CARS2: variants seen among roughly 807,000 people sequenced by gnomAD.
CARS2 encodes the protein probable cysteine--tRNA ligase, mitochondrial.
CARS2 carries 52 observed loss-of-function variants against 68.8 expected under a neutral mutation model. The ratio of observed to expected loss-of-function variants is 0.76; its 90% CI spans 0.61 to 0.95. The LOEUF is 0.95. CARS2 is among the 40% of genes least tolerant of loss of function. The pLI is 0.00. For synonymous variants in CARS2, 314 were observed against 303.6 expected (o/e 1.03, Z -0.36); for missense variants, 780 against 754.2 (o/e 1.03, Z -0.40).
chr13:110,671,821 T>G (rs1349958602), intron 7 of CARS2, among the ~76,000 whole-genome samples: 1 of 151,948 alleles, frequency 6.6e-6, no homozygotes, highest in Non-Finnish European at 1.5e-5. Flanking sequence ...AGGAGACCCA[T>G]CTCACGTGCA....
intron 9 of CARS2, among the ~76,000 whole-genome samples, chr13:110,655,059 C>T (rs2062330890): frequency 6.6e-6 from 1 of 152,022 alleles, no homozygotes; most frequent in Admixed American, 6.6e-5. Context: ...ATGTAAATCA[C>T]ACTCGTTGAT....
intron 2 of CARS2, 87 bp from the exon 3 acceptor site, chr13:110,701,642 C>T (rs2063790769): frequency 1.3e-6 from 1 of 747,620 alleles, no homozygotes; most frequent in South Asian, 1.5e-5. Flanking sequence ...TAACATGCTG[C>T]TCCATAACTT....
intron 9 of CARS2, among the ~76,000 whole-genome samples, chr13:110,658,456 T>C (rs1044696005): frequency 1.1e-4 from 16 of 152,314 alleles, no homozygotes; most frequent in African/African-American, 3.6e-4. Flanking sequence ...CATAACAATG[T>C]GAACATATTA....
chr13:110,660,915 C>T (rs1412150786), intron 9 of CARS2, among the ~76,000 whole-genome samples: 1 of 152,114 alleles, frequency 6.6e-6, no homozygotes, highest in African/African-American at 2.4e-5. Flanking sequence ...GTGTCCACCA[C>T]CACGCCCAGC....
chr13:110,711,509 C>T (rs1278762606), intron 1 of CARS2, among the ~76,000 whole-genome samples: 1 of 152,244 alleles, frequency 6.6e-6, no homozygotes, highest in Non-Finnish European at 1.5e-5. Flanking sequence ...CCACCGCGTC[C>T]GGCCAAGTGT....
chr13:110,644,986 C>T (rs1328425017), intron 12 of CARS2: 1 of 157,156 alleles, frequency 6.4e-6, no homozygotes, highest in Non-Finnish European at 1.4e-5. Flanking sequence ...CACAAGAGGC[C>T]CCTGTTGCCC....
intron 6 of CARS2, among the ~76,000 whole-genome samples, chr13:110,679,107 G>A (rs976600315): frequency 6.7e-6 from 1 of 148,902 alleles, no homozygotes; most frequent in African/African-American, 2.5e-5. Flanking sequence ...TGTGACCTAC[G>A]GAGCAGATGC....
upstream of CARS2, chr13:110,706,279 G>A (rs1006582454): frequency 8.2e-6 from 3 of 365,368 alleles, no homozygotes; most frequent in Non-Finnish European, 9.3e-6. Flanking sequence ...CAAGGGTGGA[G>A]AACCAGGGCC....
chr13:110,644,740 G>T (rs1178095221), intron 12 of CARS2: 3 of 470,146 alleles, frequency 6.4e-6, no homozygotes, highest in East Asian at 7.9e-5. Flanking sequence ...CAGGCTTCGC[G>T]GGTGAAGCAT....
At position 110,651,048 on chromosome 13, in the gene CARS2, C is replaced by T. The variant is rs1052359973; in HGVS notation, c.1040G>A (p.Ser347Asn). ...GCTCGGCTCACCTGAGCGGTAGCTG[C>T]TCCGCAGGCAGAAGAACCGGAAGAC... The part of the protein sequence containing the change: ...PDVFRFFCLR[S>N]SYRSAIDYSD... Residue 347 changes from serine (S) to asparagine (N), a missense_variant, in exon 10 of 15, where the codon AGC becomes AAC. By Grantham distance (46) the Ser-to-Asn change is conservative. Transcript: ENST00000257347. 5 of 1,613,172 alleles carry T rather than the reference C, an allele frequency of 3.1e-6. No homozygotes were observed. In the African/African-American group the frequency reaches 6.7e-5, roughly 22 times the overall value.
At chr13:110,698,621 C>T (rs1305157481) in intron 3 of CARS2, among the ~76,000 whole-genome samples, 1 of 152,076 alleles carries the variant, frequency 6.6e-6, no homozygotes, top group Non-Finnish European at 1.5e-5. Context: ...AATTTATTTG[C>T]CCTTGTAACA....
chr13:110,660,712 C>T (rs369466), intron 9 of CARS2, among the ~76,000 whole-genome samples: 3 of 151,284 alleles, frequency 2.0e-5, no homozygotes, highest in African/African-American at 7.3e-5. Flanking sequence ...CTGTCATACA[C>T]GCTTTGATAT....
chr13:110,649,265 C>G (rs450847), intron 10 of CARS2: 14,525 of 152,346 alleles, frequency 0.095, 946 homozygotes, highest in East Asian at 0.19. Context: ...CAGTTCCACC[C>G]AGGGGAGAGG....
At position 110,713,369 on chromosome 13, in the gene CARS2, G is replaced by C. The variant is rs983380748; in HGVS notation, n.167C>G. On this transcript the variant is annotated non_coding_transcript_exon_variant, in exon 1 of 3. Coordinates refer to the CARS2 transcript ENST00000485188. ...GGTCGGGTTTTCAGCGAAGCAGGCCGCTCCCCTGCGTTTCCCAGCGGGCGT... is the reference window on the plus strand; with the variant it reads ...GGTCGGGTTTTCAGCGAAGCAGGCCCCTCCCCTGCGTTTCCCAGCGGGCGT... The C allele has an allele frequency of 1.0e-5, 11 of 1,058,148 alleles. No individual in the cohort carries two copies. The African/African-American group carries it at 1.7e-4, about 16-fold the overall frequency. 65.5% of individuals were successfully genotyped at this position (1,058,148 alleles called of 1,614,324 possible).
In CARS2 at chr13:110,677,003, G is replaced by T. The variant is rs1266795670; in HGVS notation, c.756C>A (p.Gly252=). The T allele has an allele frequency of 5.0e-6, 8 of 1,598,560 alleles. 1 individual carries two copies. Among genetic ancestry groups the T allele is most frequent in the South Asian group, 1.1e-5 (1 of 90,288 alleles). ...CGATGGCAGAGCACTCGATGTGCCA[G>T]CCCGGCCTCCCGGGTCCCCAGGGAG... ...WASPWGPGRP[G]WHIECSAIAS... Residue 252 remains glycine, a synonymous_variant, in exon 7 of 15, where the codon GGC becomes GGA. Transcript: ENST00000257347.
At chr13:110,696,173 A>G (rs1433586330) in intron 3 of CARS2, among the ~76,000 whole-genome samples, 4 of 152,202 alleles carry the variant, frequency 2.6e-5, no homozygotes, top group Admixed American at 2.0e-4. Flanking sequence ...TCTATCACTG[A>G]TGGGCATCTG....
chr13:110,688,607 C>A (rs2063372055), intron 3 of CARS2, among the ~76,000 whole-genome samples: 2 of 151,954 alleles, frequency 1.3e-5, no homozygotes, highest in African/African-American at 4.8e-5. Flanking sequence ...AAAAAATAGT[C>A]AAAAATATAC....
upstream of CARS2, chr13:110,706,456 C>T (rs750005058): frequency 3.6e-5 from 6 of 166,110 alleles, no homozygotes; most frequent in Non-Finnish European, 6.5e-5. Flanking sequence ...GTCCGCCGCG[C>T]GGGAGGAGCG....
At chr13:110,655,320 T>C (rs1180128664) in intron 9 of CARS2, among the ~76,000 whole-genome samples, 1 of 152,152 alleles carries the variant, frequency 6.6e-6, no homozygotes, top group Non-Finnish European at 1.5e-5. Context: ...AATGCAGACA[T>C]GGCAATGTCT....
Sources: allele counts gnomAD v4.1 joint callset (sites outside exome capture counted in the v4.1 genomes callset), GRCh38; gene constraint gnomAD v4.1.1; transcripts MANE v1.5; gene names NCBI Gene and HGNC (gene_info 2026-07-23, HGNC 2026-07-21).